UNC45A: variants seen among roughly 807,000 people sequenced by gnomAD.
UNC45A encodes the protein unc-45 myosin chaperone A.
UNC45A carries 78 observed loss-of-function variants against 103.2 expected under a neutral mutation model. The observed-to-expected ratio is 0.76, with a 90% CI of 0.63 to 0.91. UNC45A has a LOEUF of 0.91. Ranked by LOEUF, UNC45A falls within the 40% of genes least tolerant of loss-of-function variation. The pLI is 0.00. For synonymous variants in UNC45A, 495 were observed against 504.6 expected (o/e 0.98, Z 0.25); for missense variants, 1,193 against 1,224.8 (o/e 0.97, Z 0.39).
intron 17 of UNC45A, chr15:90,952,297 C>T (rs547819778): frequency 6.6e-6 from 1 of 152,562 alleles, no homozygotes; most frequent in African/African-American, 2.4e-5. Flanking sequence ...GTAAGCATGG[C>T]ATTGGCATTT....
chr15:90,948,313 G>A (rs1224335512), intron 12 of UNC45A, 30 bp downstream of exon 12: 17 of 1,611,020 alleles, frequency 1.1e-5, no homozygotes, highest in Non-Finnish European at 1.4e-5. Flanking sequence ...CGTCAGCCTG[G>A]GGACACTGTC....
rs2037056105 is a variant in UNC45A at position 90,953,566 on chromosome 15, G to C, written c.2685G>C (p.Glu895Asp). ...VVLNMVEASREIASTLMESEM... is the reference protein window; with the variant it reads ...VVLNMVEASRDIASTLMESEM... The stretch of plus-strand genomic sequence containing the variant: ...TGAACATGGTGGAGGCCTCGAGGGA[G>C]ATTGCCAGCACCCTGATGGAGAGTG... The change falls in exon 20 of 20, where the codon GAG (glutamate) becomes GAC (aspartate). Residue 895 changes from glutamate to aspartate, a missense_variant. Glu to Asp is a conservative substitution (Grantham distance 45, BLOSUM62 2). Coordinates refer to ENST00000418476, the MANE Select transcript of UNC45A (RefSeq NM_018671.5). The C allele has an allele frequency of 6.2e-7, 1 of 1,614,076 alleles. No individual in the cohort carries two copies. The highest frequency in any genetic ancestry group is 1.3e-5 in the African/African-American group (1 of 74,952).
chr15:90,938,378 A>G (rs2036122687), intron 4 of UNC45A, among the ~76,000 whole-genome samples: 1 of 152,236 alleles, frequency 6.6e-6, no homozygotes, highest in African/African-American at 2.4e-5. Flanking sequence ...AGCAGATAAC[A>G]TGATGGCAGA....
At chr15:90,934,324 C>T, upstream of UNC45A, 1 of 399,220 alleles carries the variant, frequency 2.5e-6, no homozygotes, top group East Asian at 3.6e-5. Flanking sequence ...CTAGCACCCC[C>T]ACCTCTCTCT....
intron 15 of UNC45A, 67 bp from the exon 16 acceptor site, chr15:90,950,087 G>C (rs2036809843): frequency 1.4e-6 from 2 of 1,471,220 alleles, no homozygotes; most frequent in Admixed American, 2.0e-5. Context: ...GGTCAGGGCT[G>C]GGGAGCCCGA....
intron 9 of UNC45A, 62 bp from the exon 10 acceptor site, chr15:90,946,552 G>C: frequency 6.7e-7 from 1 of 1,489,542 alleles, no homozygotes; most frequent in Non-Finnish European, 9.0e-7. Context: ...GAGGGGAAGG[G>C]AGGGAAGAAG....
chr15:90,948,501 C>G, intron 12 of UNC45A, 153 bp from the exon 13 acceptor site: 1 of 1,351,988 alleles, frequency 7.4e-7, no homozygotes, highest in East Asian at 2.5e-5. Flanking sequence ...AGTTTGTAAG[C>G]TCCCAAAGTC....
At chr15:90,933,533 G>A (rs935240853), upstream of UNC45A, 9 of 152,234 alleles carry the variant, frequency 5.9e-5, no homozygotes. Context: ...GGGCAGATAA[G>A]GCTCAGGGGA....
Position 90,946,688 on chromosome 15 carries a change from C to T in UNC45A, c.1274C>T (p.Pro425Leu), listed in dbSNP as rs1296836721. 1 of 1,612,640 alleles carries T rather than the reference C, an allele frequency of 6.2e-7. No individual in the cohort carries two copies. Among genetic ancestry groups the T allele is most frequent in the Non-Finnish European group, 8.5e-7 (1 of 1,179,994 alleles). Residue 425 changes from proline to leucine, a missense_variant, in exon 10 of 20, where the codon CCA becomes CTA. By Grantham distance (98) the Pro-to-Leu change is moderately conservative. Coordinates refer to ENST00000418476, the MANE Select transcript of UNC45A (RefSeq NM_018671.5). Reference protein sequence around the residue: ...IQTVSCLLQGPCDAGNRALEL... With the variant: ...IQTVSCLLQGLCDAGNRALEL... ...ACGGTGTCCTGCCTCCTGCAGGGCC[C>T]ATGTGACGCTGGCAACCGGGCCTTG...
chr15:90,937,862 C>T (rs2036098554), intron 4 of UNC45A, among the ~76,000 whole-genome samples: 2 of 151,640 alleles, frequency 1.3e-5, no homozygotes, highest in Non-Finnish European at 1.5e-5. Context: ...ACTCTGTCAC[C>T]CATGCTGGAG....
Position 90,953,428 on chromosome 15 carries a change from A to T in UNC45A, c.2578-31A>T, listed in dbSNP as rs201523883. On this transcript the variant is annotated intron_variant, in intron 19 of 19. Transcript: ENST00000418476. ...CTTGCCAAGGTTGAGCCTGTTGCCC[A>T]GGGGTCATATCTACCCTGTTTTTCT... is the stretch of plus-strand genomic sequence containing the variant. 1.4e-4 allele frequency: 226 copies of T among 1,610,324 alleles called. No homozygotes were observed. In the African/African-American group the frequency reaches 2.3e-3, roughly 16 times the overall value.
At chr15:90,931,130 A>G, upstream of UNC45A, 1 of 985,158 alleles carries the variant, frequency 1.0e-6, no homozygotes, top group Non-Finnish European at 1.5e-6. Flanking sequence ...AGACCTTCAG[A>G]CTGAGAAAAA....
chr15:90,950,080 C>A, intron 15 of UNC45A, 74 bp from the exon 16 acceptor site: 2 of 1,430,854 alleles, frequency 1.4e-6, no homozygotes, highest in South Asian at 1.2e-5. Flanking sequence ...GTGGCACGGT[C>A]AGGGCTGGGG....
At chr15:90,940,672 G>T (rs1177340068) in intron 6 of UNC45A, 199 bp downstream of exon 6, 5 of 490,636 alleles carry the variant, frequency 1.0e-5, no homozygotes, top group South Asian at 8.1e-5. Context: ...CAGCACTTTG[G>T]GGGGCTGAGG....
rs1372581350 is a variant in UNC45A at position 90,942,422 on chromosome 15, C to T, written c.688-15C>T. On this transcript the variant is annotated splice_polypyrimidine_tract_variant and intron_variant, in intron 6 of 19. Coordinates refer to ENST00000418476, the MANE Select transcript of UNC45A (RefSeq NM_018671.5). The stretch of plus-strand genomic sequence containing the variant: ...ACAACTGGAAGCTTCCTTCTGTTTA[C>T]CTCTCCCACCCCAGACAGTGGCAAC... 1 of 1,590,638 alleles carries T rather than the reference C, an allele frequency of 6.3e-7. No homozygotes were observed. The highest frequency in any genetic ancestry group is 8.6e-7 in the Non-Finnish European group (1 of 1,167,016).
upstream of UNC45A, chr15:90,932,138 C>T (rs1476843445): frequency 6.4e-7 from 1 of 1,572,220 alleles, no homozygotes; most frequent in Non-Finnish European, 8.6e-7. Flanking sequence ...AGCAGGAAGT[C>T]AGGTCGGAGG....
At chr15:90,948,370 G>C (rs958238556) in intron 12 of UNC45A, 87 bp downstream of exon 12, 120 of 1,567,974 alleles carry the variant, frequency 7.7e-5, no homozygotes, top group Middle Eastern at 3.4e-4. Flanking sequence ...TGGCCAATGG[G>C]GTCTTTTGAC....
chr15:90,946,604 T>C lies in UNC45A; in HGVS notation c.1200-10T>C. 6.3e-7 allele frequency: 1 copy of C among 1,593,026 alleles called. No individual in the cohort carries two copies. Among genetic ancestry groups the C allele is most frequent in the Non-Finnish European group, 8.6e-7 (1 of 1,167,550 alleles). ...CCTTGGTGTGACGGCTGTCACCCTGTGCCCCTCAGGAGCTGGTTTGAGGGC... is the reference window on the plus strand; with the variant it reads ...CCTTGGTGTGACGGCTGTCACCCTGCGCCCCTCAGGAGCTGGTTTGAGGGC... On this transcript the variant is annotated splice_polypyrimidine_tract_variant and intron_variant, in intron 9 of 19. Transcript: ENST00000418476.
chr15:90,942,722 C>T (rs772049600), intron 7 of UNC45A, 117 bp downstream of exon 7: 16 of 1,542,650 alleles, frequency 1.0e-5, no homozygotes, highest in Middle Eastern at 1.7e-4. Flanking sequence ...GTTTGGAATA[C>T]GGTTTGGTGA....
Sources: gnomAD v4.1 joint callset for allele counts (sites outside exome capture counted in the v4.1 genomes callset) on GRCh38, gnomAD v4.1.1 for gene constraint, MANE v1.5 for transcripts, NCBI Gene and HGNC (gene_info 2026-07-23, HGNC 2026-07-21) for gene names.